The following BCAS3 variants were observed in gnomAD, a reference collection of about 807,000 sequenced individuals.
BCAS3 encodes BCAS3 microtubule associated cell migration factor.
A neutral mutation model predicts 116.1 loss-of-function variants in BCAS3; 53 were observed. That is an observed-to-expected ratio of 0.46 (90% confidence interval 0.37 to 0.57). The LOEUF (loss-of-function observed/expected upper bound fraction) is 0.57, where lower values mean the gene tolerates loss of function less well. BCAS3 is among the 20% of genes least tolerant of loss of function. The pLI is 0.00. For missense variants in BCAS3, 917 were observed against 1,165.4 expected (o/e 0.79, Z 3.10); for synonymous variants, 391 against 408.2 (o/e 0.96, Z 0.51).
chr17:61,030,136 A>G (rs2066525801), intron 16 of BCAS3, among the ~76,000 whole-genome samples: 1 of 152,136 alleles, frequency 6.6e-6, no homozygotes, highest in Admixed American at 6.6e-5. Flanking sequence ...ACCACTTGTA[A>G]TACTTAGATC....
chr17:60,736,876 C>T (rs188543183), intron 5 of BCAS3, among the ~76,000 whole-genome samples: 4,444 of 147,300 alleles, frequency 0.03, 228 homozygotes, highest in African/African-American at 0.1. Context: ...CCCCTCTTTT[C>T]CTTCCCTCCC....
At chr17:60,864,789 TG>T (rs1666456100) in intron 7 of BCAS3, among the ~76,000 whole-genome samples, 1 of 152,202 alleles carries the variant, frequency 6.6e-6, no homozygotes, top group Non-Finnish European at 1.5e-5. Context: ...TGATTTGAAA[TG>T]AGAGATATGC....
At chr17:60,769,047 T>C (rs559747711) in intron 6 of BCAS3, among the ~76,000 whole-genome samples, 2 of 152,306 alleles carry the variant, frequency 1.3e-5, no homozygotes, top group African/African-American at 4.8e-5. Context: ...CTGGTGGTAT[T>C]GGCAGGTTGT....
At position 61,026,827 on chromosome 17, in the gene BCAS3, C is replaced by G. The variant is rs2066279408; in HGVS notation, c.1638-7839C>G. 4 of 1,558,976 alleles carry G rather than the reference C, an allele frequency of 2.6e-6. No homozygotes were observed. The highest frequency in any genetic ancestry group is 3.5e-6 in the Non-Finnish European group (4 of 1,144,840). On this transcript the variant is annotated intron_variant, in intron 16 of 23. Transcript: ENST00000407086. This position sits in a 1 kb window ranked among gnomAD's most constrained non-coding sequence, Gnocchi z 5.0. Reference sequence around the variant, plus strand: ...ATTTGCTAATGTTAAATGAGTTTTTCTCTAATTTTTTGTGCATTTTTCCCC... The same window carrying G: ...ATTTGCTAATGTTAAATGAGTTTTTGTCTAATTTTTTGTGCATTTTTCCCC...
intron 22 of BCAS3, among the ~76,000 whole-genome samples, chr17:61,096,934 C>G (rs1014681199): frequency 6.6e-6 from 1 of 152,116 alleles, no homozygotes; most frequent in Non-Finnish European, 1.5e-5. Flanking sequence ...TGTCTAACAT[C>G]TGTGTAATTA....
At position 61,128,720 on chromosome 17, in the gene BCAS3, A is replaced by G. The variant is rs547030227; in HGVS notation, c.2425+44156A>G. The G allele has an allele frequency of 1.7e-6, 1 of 587,224 alleles. No homozygotes were observed. Among genetic ancestry groups the G allele is most frequent in the East Asian group, 1.4e-4 (1 of 6,994 alleles). The allele number at this position is 587,224 out of a possible 1,614,324, so 36.4% of individuals were successfully genotyped here. On this transcript the variant is annotated intron_variant, in intron 22 of 23. Transcript: ENST00000407086. This position sits in a 1 kb window ranked among gnomAD's most constrained non-coding sequence, Gnocchi z 4.1. ...AGCATATTGGCAGTCGTCTCACAACATGATTTTGCATTTACATCATCGTGC... is the reference window on the plus strand; with the variant it reads ...AGCATATTGGCAGTCGTCTCACAACGTGATTTTGCATTTACATCATCGTGC...
intron 23 of BCAS3, among the ~76,000 whole-genome samples, chr17:61,373,923 C>G (rs2059196618): frequency 6.9e-6 from 1 of 145,274 alleles, no homozygotes; most frequent in African/African-American, 2.5e-5. Context: ...TCAGCCTCCT[C>G]TCCTGGGGCC....
At position 61,063,532 on chromosome 17, in the gene BCAS3, G is replaced by T. The variant is rs1363844160; in HGVS notation, c.2030-11388G>T. 1.3e-5 allele frequency among the ~76,000 whole-genome samples: 2 copies of T among 152,132 alleles called. No individual in the cohort carries two copies. Among genetic ancestry groups the T allele is most frequent in the Non-Finnish European group, 2.9e-5 (2 of 68,022 alleles). On this transcript the variant is annotated intron_variant, in intron 19 of 23. Coordinates refer to ENST00000407086, the MANE Select transcript of BCAS3 (RefSeq NM_017679.5). The surrounding 1 kb of genome is among the most constrained non-coding windows in gnomAD (Gnocchi z 5.3). Reference sequence around the variant, plus strand: ...ATCCGCCACCTCGGCCTCCCAAAGTGCTGGGATTACAGGCATGAGCCACCA... The same window carrying T: ...ATCCGCCACCTCGGCCTCCCAAAGTTCTGGGATTACAGGCATGAGCCACCA...
rs992146007 is a variant in BCAS3 at position 61,282,771 on chromosome 17, T to C, written c.2426-85556T>C. 2.0e-5 allele frequency among the ~76,000 whole-genome samples: 3 copies of C among 152,206 alleles called. No homozygotes were observed. Among genetic ancestry groups the C allele is most frequent in the Non-Finnish European group, 4.4e-5 (3 of 68,042 alleles). On this transcript the variant is annotated intron_variant, in intron 22 of 23. Transcript: ENST00000407086. This position sits in a 1 kb window ranked among gnomAD's most constrained non-coding sequence, Gnocchi z 5.9. Reference sequence around the variant, plus strand: ...ATTTTGGTTTAATGAGTTGGTCACATTGCATCATCCCTTTATCTACCCAAA... The same window carrying C: ...ATTTTGGTTTAATGAGTTGGTCACACTGCATCATCCCTTTATCTACCCAAA...
At position 61,388,099 on chromosome 17, in the gene BCAS3, T is replaced by C. The variant is rs2059948722; in HGVS notation, c.2594-3878T>C. On this transcript the variant is annotated intron_variant, in intron 23 of 23. Coordinates refer to ENST00000407086, the MANE Select transcript of BCAS3 (RefSeq NM_017679.5). The surrounding 1 kb of genome is among the most constrained non-coding windows in gnomAD (Gnocchi z 6.5). ...TCTCTTTCGGGCCCTGGCAGGTTCC[T>C]GATGGACTTCCCCAACAGGTCCACC... 6.6e-6 allele frequency among the ~76,000 whole-genome samples: 1 copy of C among 152,184 alleles called. No individual in the cohort carries two copies. Among genetic ancestry groups the C allele is most frequent in the African/African-American group, 2.4e-5 (1 of 41,442 alleles).
chr17:60,957,760 A>G (rs1457353908), intron 14 of BCAS3, among the ~76,000 whole-genome samples: 1 of 152,184 alleles, frequency 6.6e-6, no homozygotes, highest in Non-Finnish European at 1.5e-5. Context: ...ACCTTCTCTA[A>G]TCTTCAAGTT....
chr17:61,136,402 A>C lies in BCAS3; in HGVS notation c.2425+51838A>C, dbSNP rs1433560322. Among the ~76,000 whole-genome samples, 1 of 152,124 alleles carries C rather than the reference A, an allele frequency of 6.6e-6. No individual in the cohort carries two copies. The highest frequency in any genetic ancestry group is 1.5e-5 in the Non-Finnish European group (1 of 68,030). Reference sequence around the variant, plus strand: ...ACAGGGTTTCTCAGCGTAAGTACTGAAGGTATTTTGGACTGGACAATTCTT... The same window carrying C: ...ACAGGGTTTCTCAGCGTAAGTACTGCAGGTATTTTGGACTGGACAATTCTT... On this transcript the variant is annotated intron_variant, in intron 22 of 23. Transcript: ENST00000407086. This position sits in a 1 kb window ranked among gnomAD's most constrained non-coding sequence, Gnocchi z 4.4.
chr17:61,283,638 C>T (rs1374151276), intron 22 of BCAS3, among the ~76,000 whole-genome samples: 3 of 151,370 alleles, frequency 2.0e-5, no homozygotes, highest in Non-Finnish European at 2.9e-5. Context: ...TATTTTTAGT[C>T]GAGACAGGGT....
chr17:60,990,358 T>C lies in BCAS3; in HGVS notation c.1486+123T>C. On this transcript the variant is annotated intron_variant, in intron 15 of 23. Transcript: ENST00000407086. The surrounding 1 kb of genome is among the most constrained non-coding windows in gnomAD (Gnocchi z 5.1). ...ATGTAAAAAGAAGATCTTAGGCTTA[T>C]ATGAAATTCTTAATTATTAAATAAT... is the stretch of plus-strand genomic sequence containing the variant. The C allele has an allele frequency of 1.0e-6, 1 of 1,004,884 alleles. No individual in the cohort carries two copies. The highest frequency in any genetic ancestry group is 1.4e-6 in the Non-Finnish European group (1 of 708,900). The allele number at this position is 1,004,884 out of a possible 1,614,324, so 62.2% of individuals were successfully genotyped here. A position where few individuals can be genotyped will look rare whatever the true frequency, so the allele number is the denominator to read the frequency against.
chr17:61,160,446 AG>A (rs930284142), intron 22 of BCAS3, among the ~76,000 whole-genome samples: 6 of 152,160 alleles, frequency 3.9e-5, no homozygotes, highest in Non-Finnish European at 5.9e-5. Flanking sequence ...ATGGCAGACA[AG>A]TATGTCTCCC....
Position 61,376,654 on chromosome 17 carries a change from A to G in BCAS3, c.2593+8160A>G, listed in dbSNP as rs1327735918. Among the ~76,000 whole-genome samples, 1 of 152,150 alleles carries G rather than the reference A, an allele frequency of 6.6e-6. No homozygotes were observed. The highest frequency in any genetic ancestry group is 1.5e-5 in the Non-Finnish European group (1 of 68,020). On this transcript the variant is annotated intron_variant, in intron 23 of 23. Coordinates refer to ENST00000407086, the MANE Select transcript of BCAS3 (RefSeq NM_017679.5). The surrounding 1 kb of genome is among the most constrained non-coding windows in gnomAD (Gnocchi z 4.5). Reference sequence around the variant, plus strand: ...CAAGGGTGATTCATCTGTGCAAGCCATAGCTTCTGGCTTGGTCTGGCTCTC... The same window carrying G: ...CAAGGGTGATTCATCTGTGCAAGCCGTAGCTTCTGGCTTGGTCTGGCTCTC...
At chr17:61,252,462 C>T (rs922951679) in intron 22 of BCAS3, among the ~76,000 whole-genome samples, 11 of 152,114 alleles carry the variant, frequency 7.2e-5, no homozygotes, top group South Asian at 4.2e-4. Flanking sequence ...GACTCAGCCC[C>T]GCCCATGGGC....
Position 60,902,675 on chromosome 17 carries a change from A to G in BCAS3, c.794A>G (p.Tyr265Cys). 1 of 1,612,392 alleles carries G rather than the reference A, an allele frequency of 6.2e-7. No homozygotes were observed. The highest frequency in any genetic ancestry group is 8.5e-7 in the Non-Finnish European group (1 of 1,178,382). Residue 265 changes from tyrosine (Y) to cysteine (C), a missense_variant, in exon 11 of 24, where the codon TAT (tyrosine) becomes TGT (cysteine). Physicochemically the swap from Tyr to Cys is radical, Grantham distance 194 (BLOSUM62 -2). Around this residue, in one of 3 missense-constraint regions of BCAS3, gnomAD observed 807 missense variants for 1,026.0 expected, o/e 0.79. Coordinates refer to ENST00000407086, the MANE Select transcript of BCAS3 (RefSeq NM_017679.5). ...GGACGDNIQSYTATVISAAKT... is the reference protein window; with the variant it reads ...GGACGDNIQSCTATVISAAKT... Reference sequence around the variant, plus strand: ...GCCTGTGGAGACAACATTCAGTCTTATACTGCCACAGTCATTAGTGCTGCT... The same window carrying G: ...GCCTGTGGAGACAACATTCAGTCTTGTACTGCCACAGTCATTAGTGCTGCT...
chr17:60,940,251 G>C (rs1460801935), intron 13 of BCAS3, among the ~76,000 whole-genome samples: 5 of 152,146 alleles, frequency 3.3e-5, no homozygotes, highest in Non-Finnish European at 5.9e-5. Context: ...TAAGGGATCA[G>C]CTAAATCATC....
Sources: allele counts gnomAD v4.1 joint callset (sites outside exome capture counted in the v4.1 genomes callset), GRCh38; gene constraint gnomAD v4.1.1; regional missense constraint gnomAD v4.1.1; non-coding constraint Gnocchi (gnomAD v3.1); transcripts MANE v1.5; gene names NCBI Gene and HGNC (gene_info 2026-07-23, HGNC 2026-07-21).